ZNF462: variants seen among roughly 807,000 people sequenced by gnomAD.
The protein encoded by ZNF462 is zinc finger protein 462.
ZNF462 carries 10 observed loss-of-function variants against 201.9 expected under a neutral mutation model. The observed-to-expected ratio is 0.05, with a 90% confidence interval of 0.03 to 0.08. ZNF462 has a LOEUF of 0.08. Ranked by LOEUF, ZNF462 falls within the 10% of genes least tolerant of loss-of-function variation. ZNF462 has a pLI of 1.00. For missense variants in ZNF462, 2,523 were observed against 3,168.3 expected, an observed-to-expected ratio of 0.80 and a Z score of 4.89; for synonymous variants, 1,227 against 1,193.3, an observed-to-expected ratio of 1.03 and a Z score of -0.58.
Position 107,013,101 on chromosome 9 carries a change from C to CA in ZNF462, c.*2078dup, listed in dbSNP as rs1379918162. On this transcript the variant is annotated 3_prime_UTR_variant, in exon 13 of 13. Coordinates refer to ENST00000277225, the MANE Select transcript of ZNF462 (RefSeq NM_021224.6). ...TTTGTAATGGTTACCAAAAAACAAA[C>CA]AAAAAAAGAAAGAAAAAGGAAAAAA... The CA allele has an allele frequency of 8.3e-6, 1 of 120,222 alleles. No homozygotes were observed. The highest frequency in any genetic ancestry group is 1.8e-5 in the Non-Finnish European group (1 of 56,168). The allele number at this position is 120,222 out of a possible 1,614,324, so 7.4% of individuals were successfully genotyped here.
At position 106,924,207 on chromosome 9, in the gene ZNF462, G is replaced by A. The variant is rs201500265; in HGVS notation, c.295G>A (p.Ala99Thr). The A allele has an allele frequency of 6.9e-5, 112 of 1,614,066 alleles. No individual in the cohort carries two copies. Among genetic ancestry groups the A allele is most frequent in the African/African-American group, 1.1e-4 (8 of 74,986 alleles). Residue 99 changes from alanine (A) to threonine (T), a missense_variant, in exon 3 of 13, where the codon GCT becomes ACT. This residue lies in a region of ZNF462 where 480 missense variants were observed against 544.4 expected (regional missense o/e 0.88). Transcript: ENST00000277225. This position sits in a 1 kb window ranked among gnomAD's most constrained non-coding sequence, Gnocchi z 6.2. The part of the protein sequence containing the change: ...SPGYYGQHIA[A>T]NPKPTNKFFQ... ...AGGATATTATGGTCAGCATATTGCC[G>A]CTAATCCCAAACCAACAAACAAGTT...
Position 106,970,881 on chromosome 9 carries a change from C to G in ZNF462, c.6428-1124C>G, listed in dbSNP as rs540507982. Among the ~76,000 whole-genome samples the G allele has an allele frequency of 2.0e-5, 3 of 151,742 alleles. No individual in the cohort carries two copies. The highest frequency in any genetic ancestry group is 7.3e-5 in the African/African-American group (3 of 41,356). ...AAGAAACGCTGAGATTTCCCCTCCT[C>G]CCTCCTAGATCAGATTTCTCCACCG... On this transcript the variant is annotated intron_variant, in intron 7 of 12. Coordinates refer to ENST00000277225, the MANE Select transcript of ZNF462 (RefSeq NM_021224.6). This position sits in a 1 kb window ranked among gnomAD's most constrained non-coding sequence, Gnocchi z 4.2.
At chr9:106,889,552 C>G (rs1828482174) in intron 1 of ZNF462, among the ~76,000 whole-genome samples, 1 of 152,212 alleles carries the variant, frequency 6.6e-6, no homozygotes, top group South Asian at 2.1e-4. Flanking sequence ...CTCACACTTT[C>G]CTTGGTTAGT....
intron 10 of ZNF462, among the ~76,000 whole-genome samples, chr9:106,997,555 T>C (rs913551164): frequency 2.0e-5 from 3 of 152,210 alleles, no homozygotes; most frequent in African/African-American, 7.2e-5. Context: ...ATATCCTTCC[T>C]TGAAGCTTTT....
Position 106,927,350 on chromosome 9 carries a change from T to C in ZNF462, c.3438T>C (p.Tyr1146=). Residue 1146 remains tyrosine (Y), a synonymous_variant, in exon 3 of 13, where the codon TAT becomes TAC. Transcript: ENST00000277225. ...RHPEIKVTAK[Y]IRQAPPTAAM... is the part of the protein sequence containing the mutation. The stretch of plus-strand genomic sequence containing the variant: ...CAGAAATAAAGGTTACTGCCAAATA[T>C]ATCAGACAGGCTCCTCCCACAGCTG... 2 of 1,613,940 alleles carry C rather than the reference T, an allele frequency of 1.2e-6. No homozygotes were observed. Among genetic ancestry groups the C allele is most frequent in the Non-Finnish European group, 8.5e-7 (1 of 1,180,002 alleles).
chr9:106,971,786 T>A (rs574859490), intron 7 of ZNF462, among the ~76,000 whole-genome samples: 1 of 152,280 alleles, frequency 6.6e-6, no homozygotes, highest in African/African-American at 2.4e-5. Context: ...AACTGTGAGG[T>A]GATGGATACG....
At chr9:106,983,555 G>C (rs1407568418) in intron 9 of ZNF462, among the ~76,000 whole-genome samples, 1 of 152,204 alleles carries the variant, frequency 6.6e-6, no homozygotes, top group Non-Finnish European at 1.5e-5. Flanking sequence ...ATTGGAAATA[G>C]TGAGAAATAA....
rs1332613840 is a variant in ZNF462 at position 106,974,097 on chromosome 9, T to C, written c.6696-40T>C. 2 of 1,613,122 alleles carry C rather than the reference T, an allele frequency of 1.2e-6. No homozygotes were observed. Among genetic ancestry groups the C allele is most frequent in the South Asian group, 1.1e-5 (1 of 90,998 alleles). On this transcript the variant is annotated intron_variant, in intron 8 of 12. Transcript: ENST00000277225. This position sits in a 1 kb window ranked among gnomAD's most constrained non-coding sequence, Gnocchi z 4.0. Reference sequence around the variant, plus strand: ...GGAAATGTGAAAATGCAATGATCCCTGGTTACACGCATCACCTCTCCTCCC... The same window carrying C: ...GGAAATGTGAAAATGCAATGATCCCCGGTTACACGCATCACCTCTCCTCCC...
chr9:106,973,040 GATA>G (rs894253997), intron 8 of ZNF462, among the ~76,000 whole-genome samples: 3 of 152,076 alleles, frequency 2.0e-5, no homozygotes, highest in Non-Finnish European at 4.4e-5. Flanking sequence ...ATAAAATAAA[GATA>G]ATAATAGTAC....
At position 106,902,889 on chromosome 9, in the gene ZNF462, A is replaced by G. The variant is rs1237920585; in HGVS notation, c.-30-20465A>G. The stretch of plus-strand genomic sequence containing the variant: ...CAAAGAACCAGCTTTTGTTTCATTT[A>G]TCTTTTGTGTTTTTTTTGTTTGTTT... On this transcript the variant is annotated intron_variant, in intron 1 of 12. Transcript: ENST00000277225. The surrounding 1 kb of genome is among the most constrained non-coding windows in gnomAD (Gnocchi z 4.2). Among the ~76,000 whole-genome samples the G allele has an allele frequency of 9.9e-5, 15 of 151,852 alleles. No homozygotes were observed. Among genetic ancestry groups the G allele is most frequent in the Admixed American group, 9.2e-4 (14 of 15,230 alleles).
intron 1 of ZNF462, among the ~76,000 whole-genome samples, chr9:106,907,224 A>AT (rs1564089485): frequency 6.6e-6 from 1 of 151,884 alleles, no homozygotes; most frequent in Non-Finnish European, 1.5e-5. Flanking sequence ...TCTAAGTGAC[A>AT]TTTTTCTGCT....
chr9:106,980,725 A>G (rs1212956897), intron 9 of ZNF462, among the ~76,000 whole-genome samples: 1 of 152,160 alleles, frequency 6.6e-6, no homozygotes, highest in Non-Finnish European at 1.5e-5. Flanking sequence ...GAGAGACACA[A>G]TCCATCTTGT....
intron 1 of ZNF462, among the ~76,000 whole-genome samples, chr9:106,897,381 G>A (rs1054425077): frequency 6.6e-6 from 1 of 152,136 alleles, no homozygotes. Flanking sequence ...CTAGATGCCT[G>A]GGGTTCTTAG....
rs1431349433 is a variant in ZNF462 at position 106,865,677 on chromosome 9, G to A, written c.-31+2322G>A. ...TACTCTTAAGTCTTCAGAAATATCA[G>A]TATGTCTTCTTAACAATGTCGCTAT... On this transcript the variant is annotated intron_variant, in intron 1 of 12. Coordinates refer to ENST00000277225, the MANE Select transcript of ZNF462 (RefSeq NM_021224.6). The surrounding 1 kb of genome is among the most constrained non-coding windows in gnomAD (Gnocchi z 4.1). 6.6e-6 allele frequency among the ~76,000 whole-genome samples: 1 copy of A among 152,072 alleles called. No homozygotes were observed. The highest frequency in any genetic ancestry group is 2.4e-5 in the African/African-American group (1 of 41,402).
At chr9:106,922,147 A>G (rs564143722) in intron 1 of ZNF462, among the ~76,000 whole-genome samples, 1 of 152,344 alleles carries the variant, frequency 6.6e-6, no homozygotes, top group Admixed American at 6.5e-5. Context: ...AGTATAGAGT[A>G]TTACATCATA....
intron 9 of ZNF462, among the ~76,000 whole-genome samples, chr9:106,980,161 C>T (rs959441794): frequency 6.6e-6 from 1 of 152,118 alleles, no homozygotes; most frequent in Admixed American, 6.5e-5. Context: ...AGGATGGCAG[C>T]CTGGCTAACA....
rs751229445 is a variant in ZNF462, at chr9:106,905,939, A to G, written c.-30-17415A>G. Among the ~76,000 whole-genome samples, 7 of 152,080 alleles carry G rather than the reference A, an allele frequency of 4.6e-5. No homozygotes were observed. Among genetic ancestry groups the G allele is most frequent in the Non-Finnish European group, 7.4e-5 (5 of 68,008 alleles). ...TTCTCACCACGTTTAAATTGTTACA[A>G]AGTTCAGCTACAGAGTTCCTTCTCC... is the stretch of plus-strand genomic sequence containing the variant. On this transcript the variant is annotated intron_variant, in intron 1 of 12. Transcript: ENST00000277225. The surrounding 1 kb of genome is among the most constrained non-coding windows in gnomAD (Gnocchi z 5.9).
In ZNF462 at chr9:106,939,014, C is replaced by T; in HGVS notation, c.6334C>T (p.Leu2112Phe). The T allele has an allele frequency of 1.2e-6, 2 of 1,614,058 alleles. No individual in the cohort carries two copies. The highest frequency in any genetic ancestry group is 1.7e-6 in the Non-Finnish European group (2 of 1,179,984). ...SLKVHGKALT[L>F]PRPRIVSLLS... ...CAAGGTCCACGGAAAAGCCCTGACC[C>T]TCCCCAGGCCACGGATCGTCAGTCT... The change falls in exon 7 of 13, where the codon CTC becomes TTC. Residue 2112 changes from leucine (L) to phenylalanine (F), a missense_variant. Physicochemically the swap from Leu to Phe is conservative, Grantham distance 22 (BLOSUM62 0). Transcript: ENST00000277225.
chr9:106,911,955 T>C (rs1829566215), intron 1 of ZNF462, among the ~76,000 whole-genome samples: 1 of 152,204 alleles, frequency 6.6e-6, no homozygotes, highest in South Asian at 2.1e-4. Flanking sequence ...GAATGCAGTA[T>C]ATAATTTGAA....
Sources: gnomAD v4.1 joint callset for allele counts (sites outside exome capture counted in the v4.1 genomes callset) on GRCh38, gnomAD v4.1.1 for gene constraint, gnomAD v4.1.1 regional missense constraint, Gnocchi (gnomAD v3.1) non-coding constraint, MANE v1.5 for transcripts, NCBI Gene and HGNC (gene_info 2026-07-23, HGNC 2026-07-21) for gene names.